The following ZNF10 variants were observed in gnomAD, a reference collection of about 807,000 sequenced individuals.
The protein encoded by ZNF10 is zinc finger protein 10 (KOX 1).
In ZNF10, 8 loss-of-function variants were observed where a neutral mutation model predicts 12.2. That is an observed-to-expected ratio of 0.66 (90% CI 0.39 to 1.18). The LOEUF is 1.18. Ranked by LOEUF, ZNF10 falls within the 50% of genes most tolerant of loss-of-function variation. The probability of loss-of-function intolerance (pLI) is 0.01; values close to 1 mark genes in which losing one functional copy is unlikely to be tolerated. For missense variants in ZNF10, 603 were observed against 678.9 expected (o/e 0.89, Z 1.24); for synonymous variants, 229 against 228.2 (o/e 1.00, Z -0.03).
chr12:133,156,011 A>C lies in ZNF10; in HGVS notation c.765A>C (p.Ile255=). The part of the protein sequence containing the change: ...NSLTHGSSLG[I]SKGIHREKPY... ...TTACTCATGGTTCATCTCTTGGTAT[A>C]TCAAAGGGCATACATAGAGAGAAAC... Residue 255 remains isoleucine (I), a synonymous_variant, in exon 5 of 5, where the codon ATA becomes ATC. Transcript: ENST00000248211. The C allele has an allele frequency of 6.2e-7, 1 of 1,613,896 alleles. No individual in the cohort carries two copies. Among genetic ancestry groups the C allele is most frequent in the Non-Finnish European group, 8.5e-7 (1 of 1,180,012 alleles).
At chr12:133,144,148 C>CA (rs1190312954) in intron 1 of ZNF10, 1,065 of 168,076 alleles carry the variant, frequency 6.3e-3, no homozygotes, top group Admixed American at 0.013. Flanking sequence ...TTTTTTTCCG[C>CA]AAAAAAAAAA....
At chr12:133,152,624 T>C (rs1311770612) in intron 4 of ZNF10, among the ~76,000 whole-genome samples, 1 of 152,130 alleles carries the variant, frequency 6.6e-6, no homozygotes, top group African/African-American at 2.4e-5. Context: ...CCATGTTGGC[T>C]AGGCTGGTCT....
intron 2 of ZNF10, among the ~76,000 whole-genome samples, chr12:133,150,570 T>C (rs899577840): frequency 1.3e-5 from 2 of 148,508 alleles, no homozygotes; most frequent in African/African-American, 4.9e-5. Flanking sequence ...ACTCTTCTGT[T>C]TTTTTTTTTT....
intron 2 of ZNF10, 31 bp from the exon 3 acceptor site, chr12:133,150,997 T>C: frequency 6.2e-7 from 1 of 1,603,804 alleles, no homozygotes; most frequent in Non-Finnish European, 8.5e-7. Flanking sequence ...GATGCATATC[T>C]GGTGCAATGC....
At chr12:133,148,416 T>A (rs1955988231) in intron 2 of ZNF10, among the ~76,000 whole-genome samples, 1 of 152,118 alleles carries the variant, frequency 6.6e-6, no homozygotes, top group South Asian at 2.1e-4. Context: ...CCACCATGCC[T>A]GACCTATCAA....
At chr12:133,148,207 G>C (rs1955986803) in intron 2 of ZNF10, among the ~76,000 whole-genome samples, 1 of 152,058 alleles carries the variant, frequency 6.6e-6, no homozygotes, top group South Asian at 2.1e-4. Flanking sequence ...TGCAACCTCT[G>C]CCTCCAGCGT....
In ZNF10 at chr12:133,144,400, G is replaced by T. The variant is rs187412934; in HGVS notation, c.-59-34G>T. The T allele has an allele frequency of 1.1e-5, 15 of 1,415,184 alleles. No homozygotes were observed. The African/African-American group carries it at 2.0e-4, about 19-fold the overall frequency. The allele number at this position is 1,415,184 out of a possible 1,614,324, so 87.7% of individuals were successfully genotyped here. ...CAATTTAGGGAGCCTCCCAGTCATA[G>T]CAAACTTAACTTATGTTTCTTTCTT... On this transcript the variant is annotated intron_variant, in intron 1 of 4. Transcript: ENST00000248211.
At chr12:133,146,542 A>G (rs921678457) in intron 2 of ZNF10, among the ~76,000 whole-genome samples, 7 of 152,054 alleles carry the variant, frequency 4.6e-5, no homozygotes, top group African/African-American at 1.7e-4. Context: ...TGTAGCCCCC[A>G]CTTCATTCAA....
intron 1 of ZNF10, among the ~76,000 whole-genome samples, chr12:133,133,246 C>A (rs1332576499): frequency 6.6e-6 from 1 of 152,170 alleles, no homozygotes; most frequent in Admixed American, 6.6e-5. Flanking sequence ...CATACCTTGC[C>A]CTTTGCTGAA....
chr12:133,156,814 G>A lies in ZNF10; in HGVS notation c.1568G>A (p.Gly523Asp). 1.3e-6 allele frequency: 2 copies of A among 1,549,422 alleles called. No homozygotes were observed. The highest frequency in any genetic ancestry group is 1.3e-5 in the South Asian group (1 of 78,944). ...GAGACCTATAAATGTAATCAATGTGGCATTATCTTCAGCCAGAACTCTCCA... is the reference window on the plus strand; with the variant it reads ...GAGACCTATAAATGTAATCAATGTGACATTATCTTCAGCCAGAACTCTCCA... ...GEETYKCNQC[G>D]IIFSQNSPFI... Residue 523 changes from glycine to aspartate, a missense_variant, in exon 5 of 5, where the codon GGC becomes GAC. Coordinates refer to ENST00000248211, the MANE Select transcript of ZNF10 (RefSeq NM_015394.5).
At chr12:133,135,216 G>A (rs187019114) in intron 1 of ZNF10, among the ~76,000 whole-genome samples, 1 of 152,212 alleles carries the variant, frequency 6.6e-6, no homozygotes, top group East Asian at 1.9e-4. Context: ...GGTCTGCCTT[G>A]TCTTACTGGG....
intron 1 of ZNF10, among the ~76,000 whole-genome samples, chr12:133,140,428 C>CTTTTTTT (rs59083992): frequency 1.6e-5 from 2 of 123,438 alleles, no homozygotes; most frequent in Non-Finnish European, 3.5e-5. Flanking sequence ...CACTAGACGT[C>CTTTTTTT]TTTTTTTTTT....
chr12:133,137,710 GTTCACATTTCTATC>G (rs1955920512), intron 1 of ZNF10, among the ~76,000 whole-genome samples: 1 of 152,102 alleles, frequency 6.6e-6, no homozygotes, highest in African/African-American at 2.4e-5. Flanking sequence ...TAAATGCCTT[GTTCACATTTCTATC>G]TTCAAGGCCT....
chr12:133,140,126 C>T (rs1235060954), intron 1 of ZNF10, among the ~76,000 whole-genome samples: 1 of 149,050 alleles, frequency 6.7e-6, no homozygotes, highest in Non-Finnish European at 1.5e-5. Context: ...TCACTTGAGC[C>T]CAGGAGGTCA....
chr12:133,152,392 A>C (rs1049761724), intron 4 of ZNF10, among the ~76,000 whole-genome samples: 10 of 152,060 alleles, frequency 6.6e-5, no homozygotes, highest in African/African-American at 2.4e-4. Context: ...TCACAGAAAC[A>C]CCAGTTTTTC....
chr12:133,143,411 G>A (rs776946471), intron 1 of ZNF10: 1 of 151,908 alleles, frequency 6.6e-6, no homozygotes, highest in Non-Finnish European at 1.5e-5. Flanking sequence ...CAGTTTAAAT[G>A]GTTGAATTGT....
chr12:133,139,585 GGAGT>G (rs766687952), intron 1 of ZNF10, among the ~76,000 whole-genome samples: 1 of 152,142 alleles, frequency 6.6e-6, no homozygotes, highest in Non-Finnish European at 1.5e-5. Context: ...AACACTCATT[GGAGT>G]GAGAGAGACC....
rs200039246 is a variant in ZNF10 at position 133,156,062 on chromosome 12, A to G, written c.816A>G (p.Lys272=). The change falls in exon 5 of 5, where the codon AAA becomes AAG. Residue 272 remains lysine (K), a synonymous_variant. Coordinates refer to ENST00000248211, the MANE Select transcript of ZNF10 (RefSeq NM_015394.5). ...CCTATGAATGTAAGGAATGTGGAAAATTCTTCAGCTGGCGCTCTAATCTTA... is the reference window on the plus strand; with the variant it reads ...CCTATGAATGTAAGGAATGTGGAAAGTTCTTCAGCTGGCGCTCTAATCTTA... ...EKPYECKECG[K]FFSWRSNLTR... The G allele has an allele frequency of 5.6e-4, 908 of 1,613,374 alleles. 2 individuals carry two copies. Among genetic ancestry groups the G allele is most frequent in the Non-Finnish European group, 7.2e-4 (855 of 1,179,958 alleles).
chr12:133,151,244 C>G lies in ZNF10; in HGVS notation c.160+90C>G. 3 of 1,303,368 alleles carry G rather than the reference C, an allele frequency of 2.3e-6. No homozygotes were observed. The South Asian group carries it at 6.0e-5, about 26-fold the overall frequency. The allele number at this position is 1,303,368 out of a possible 1,614,324, so 80.7% of individuals were successfully genotyped here. A position where few individuals can be genotyped will look rare whatever the true frequency, so the allele number is the denominator to read the frequency against. On this transcript the variant is annotated intron_variant, in intron 3 of 4. Transcript: ENST00000248211. The stretch of plus-strand genomic sequence containing the variant: ...AGCATGTATCACACCAGAGTATAGG[C>G]TTGGCGTTCAGAGACCTAATTTCTT...
Sources: allele counts gnomAD v4.1 joint callset (sites outside exome capture counted in the v4.1 genomes callset), GRCh38; gene constraint gnomAD v4.1.1; transcripts MANE v1.5; gene names NCBI Gene and HGNC (gene_info 2026-07-23, HGNC 2026-07-21).